The following COL25A1 variants were observed in gnomAD, a reference collection of about 807,000 sequenced individuals.
COL25A1 encodes collagen alpha-1(XXV) chain.
COL25A1 carries 103 observed loss-of-function variants against 128.4 expected under a neutral mutation model. The observed-to-expected ratio is 0.80, with a 90% CI of 0.68 to 0.94. The LOEUF (loss-of-function observed/expected upper bound fraction) is 0.94. Ranked by LOEUF, COL25A1 falls within the 40% of genes least tolerant of loss-of-function variation. The pLI, the probability that COL25A1 is intolerant of heterozygous loss-of-function variation, is 0.00. For synonymous variants in COL25A1, 279 were observed against 277.2 expected (o/e 1.01, Z -0.06); for missense variants, 745 against 840.0 (o/e 0.89, Z 1.40).
chr4:109,213,053 C>G (rs1777700350), intron 3 of COL25A1, among the ~76,000 whole-genome samples: 1 of 152,132 alleles, frequency 6.6e-6, no homozygotes, highest in African/African-American at 2.4e-5. Flanking sequence ...ATGGGGATGA[C>G]TTCAAGTGTA....
chr4:108,941,505 G>A, intron 8 of COL25A1, 68 bp from the exon 9 acceptor site: 2 of 1,121,068 alleles, frequency 1.8e-6, no homozygotes. Context: ...GACATCAGAA[G>A]GCCCCAAGAA....
chr4:109,210,680 G>A (rs1005393662), intron 3 of COL25A1, among the ~76,000 whole-genome samples: 13 of 152,018 alleles, frequency 8.6e-5, no homozygotes, highest in African/African-American at 2.9e-4. Context: ...GCAAAATACA[G>A]TCTCAATCTG....
intron 11 of COL25A1, among the ~76,000 whole-genome samples, chr4:108,927,425 T>C (rs1224420346): frequency 6.6e-6 from 1 of 152,196 alleles, no homozygotes; most frequent in Non-Finnish European, 1.5e-5. Flanking sequence ...TATTAAATTA[T>C]GTTTAGCGGC....
intron 3 of COL25A1, among the ~76,000 whole-genome samples, chr4:109,144,272 C>T (rs943981934): frequency 2.0e-5 from 3 of 152,162 alleles, no homozygotes; most frequent in Non-Finnish European, 4.4e-5. Context: ...CTGGAAGCTT[C>T]GTCCCAGAGG....
In COL25A1 at chr4:108,859,709, G is replaced by A; in HGVS notation, c.1267C>T (p.Gln423Ter). 1 of 1,613,832 alleles carries A rather than the reference G, an allele frequency of 6.2e-7. No homozygotes were observed. Among genetic ancestry groups the A allele is most frequent in the East Asian group, 2.2e-5 (1 of 44,854 alleles). The change falls in exon 24 of 38, where the codon CAA (glutamine) becomes TAA (stop). Residue 423 changes from glutamine (Q) to a stop codon, truncating the protein, a stop_gained. Transcript: ENST00000399132. LOFTEE classifies it high-confidence loss of function. ...PRGPPGQKGD[Q>*]GATEIIDYNG... The stretch of plus-strand genomic sequence containing the variant: ...TAGTCTATGATCTCAGTGGCTCCTT[G>A]ATCCCCTTTTTGACCAGGTGGACCC...
intron 3 of COL25A1, among the ~76,000 whole-genome samples, chr4:109,082,514 T>C (rs2125996099): frequency 6.6e-6 from 1 of 152,338 alleles, no homozygotes; most frequent in East Asian, 1.9e-4. Flanking sequence ...AGTATTTCAT[T>C]GGGGTTTTCA....
At chr4:108,973,791 A>G (rs906301287) in intron 8 of COL25A1, among the ~76,000 whole-genome samples, 1 of 152,226 alleles carries the variant, frequency 6.6e-6, no homozygotes, top group African/African-American at 2.4e-5. Flanking sequence ...TAATGGTTAA[A>G]AGGGCCACAT....
chr4:108,942,695 C>T (rs149252887), intron 8 of COL25A1, among the ~76,000 whole-genome samples: 2,472 of 150,878 alleles, frequency 0.016, 65 homozygotes, highest in African/African-American at 0.055. Context: ...GGTGATCCAC[C>T]GGCCTTAGCC....
intron 5 of COL25A1, among the ~76,000 whole-genome samples, chr4:109,031,426 A>G (rs1758853961): frequency 6.6e-6 from 1 of 152,038 alleles, no homozygotes; most frequent in South Asian, 2.1e-4. Flanking sequence ...ATGTTACAAT[A>G]CTTTTTTTAA....
intron 3 of COL25A1, among the ~76,000 whole-genome samples, chr4:109,238,550 G>T (rs1392634683): frequency 6.6e-6 from 1 of 151,998 alleles, no homozygotes; most frequent in Non-Finnish European, 1.5e-5. Flanking sequence ...GCAGTACCAG[G>T]TATCACTATC....
At chr4:109,049,380 T>C (rs3096483) in intron 4 of COL25A1, among the ~76,000 whole-genome samples, 73,525 of 152,036 alleles carry the variant, frequency 0.48, 19,287 homozygotes, top group African/African-American at 0.66. Flanking sequence ...ATACAGATCA[T>C]CTCAGTTTCA....
chr4:109,023,557 T>C (rs1244457861), intron 5 of COL25A1, among the ~76,000 whole-genome samples: 1 of 152,140 alleles, frequency 6.6e-6, no homozygotes, highest in East Asian at 1.9e-4. Flanking sequence ...AGGAGCTAAT[T>C]GAACTGGAGG....
intron 3 of COL25A1, among the ~76,000 whole-genome samples, chr4:109,251,971 G>A (rs1482689833): frequency 1.3e-5 from 2 of 152,246 alleles, no homozygotes; most frequent in African/African-American, 2.4e-5. Flanking sequence ...TTTCAAGCCA[G>A]CAGCTTCAGA....
chr4:109,022,266 T>G (rs1452361796), intron 5 of COL25A1: 2 of 429,420 alleles, frequency 4.7e-6, no homozygotes, highest in Non-Finnish European at 9.3e-6. Flanking sequence ...TTAGGGAAAA[T>G]AGAAAGAACC....
In COL25A1 at chr4:108,822,043, A is replaced by ATTTTTTTTTTTT. The variant is rs10567518; in HGVS notation, c.1845+2119_1845+2130dup. On this transcript the variant is annotated intron_variant, in intron 35 of 37. Transcript: ENST00000399132. ...AAACGTGAGTATCCTCCTAATGGTA[A>ATTTTTTTTTTTT]TTTTTTTTTTTTTTTTTGGGACAGG... Among the ~76,000 whole-genome samples the ATTTTTTTTTTTT allele has an allele frequency of 2.8e-3, 250 of 89,928 alleles. 28 individuals are homozygous for ATTTTTTTTTTTT. Among genetic ancestry groups the ATTTTTTTTTTTT allele is most frequent in the Middle Eastern group, 9.3e-3 (1 of 108 alleles). The allele number at this position is 89,928 out of a possible 152,430, so 59.0% of individuals were successfully genotyped here.
chr4:109,063,726 A>G (rs1762182769), intron 3 of COL25A1, among the ~76,000 whole-genome samples: 1 of 152,124 alleles, frequency 6.6e-6, no homozygotes, highest in African/African-American at 2.4e-5. Flanking sequence ...GCAGCTTACC[A>G]TGAGACTACA....
chr4:109,167,731 A>C (rs1773207320), intron 3 of COL25A1, among the ~76,000 whole-genome samples: 1 of 152,116 alleles, frequency 6.6e-6, no homozygotes, highest in African/African-American at 2.4e-5. Flanking sequence ...CCCACTGACA[A>C]GATGAATGAG....
At chr4:109,088,455 G>T (rs1257047839) in intron 3 of COL25A1, among the ~76,000 whole-genome samples, 1 of 152,044 alleles carries the variant, frequency 6.6e-6, no homozygotes, top group Non-Finnish European at 1.5e-5. Context: ...AATTTATGGG[G>T]TGACATTATA....
At chr4:109,075,430 G>A (rs182672811) in intron 3 of COL25A1, among the ~76,000 whole-genome samples, 124 of 152,096 alleles carry the variant, frequency 8.2e-4, no homozygotes, top group Admixed American at 1.8e-3. Context: ...TTAAAGACAA[G>A]ACATGACTAG....
Sources: allele counts gnomAD v4.1 joint callset (sites outside exome capture counted in the v4.1 genomes callset), GRCh38; gene constraint gnomAD v4.1.1; transcripts MANE v1.5; gene names NCBI Gene and HGNC (gene_info 2026-07-23, HGNC 2026-07-21).